The following NCR3LG1 variants were observed in gnomAD, a reference collection of about 807,000 sequenced individuals.
The protein encoded by NCR3LG1 is natural cytotoxicity triggering receptor 3 ligand 1.
Under a neutral mutation model 34.8 loss-of-function variants are expected in NCR3LG1, and 35 were observed. The observed-to-expected ratio is 1.01, with a 90% CI of 0.77 to 1.33. The LOEUF (loss-of-function observed/expected upper bound fraction) is 1.33. NCR3LG1 is among the 40% of genes most tolerant of loss of function. The pLI is 0.00. For missense variants in NCR3LG1, 452 were observed against 423.3 expected, an observed-to-expected ratio of 1.07 and a Z score of -0.60; for synonymous variants, 173 against 163.6, an observed-to-expected ratio of 1.06 and a Z score of -0.44.
In NCR3LG1 at chr11:17,372,709, CAGGT is replaced by C. The variant is rs1953426185; in HGVS notation, c.*200_*203del. ...TAAACTCTTAACTACTACAGAGAAA[CAGGT>C]AGCCCTGCAGGCAGCAGAAAAATTC... On this transcript the variant is annotated 3_prime_UTR_variant, in exon 5 of 5. Coordinates refer to ENST00000338965, the MANE Select transcript of NCR3LG1 (RefSeq NM_001202439.3). The C allele has an allele frequency of 7.7e-6, 4 of 521,342 alleles. No homozygotes were observed. In the East Asian group the frequency reaches 8.7e-5, roughly 11 times the overall value. The allele number at this position is 521,342 out of a possible 1,614,324, so 32.3% of individuals were successfully genotyped here. A position where few individuals can be genotyped will look rare whatever the true frequency, so the allele number is the denominator to read the frequency against.
At position 17,356,868 on chromosome 11, in the gene NCR3LG1, T is replaced by C; in HGVS notation, c.288T>C (p.Ser96=). ...CATTCCGACCTGGAGCCATTGTGTC[T>C]CCATGGAGGCTGAAGAGTGGGGACG... ...QEAFRPGAIV[S]PWRLKSGDAS... is the part of the protein sequence containing the mutation. Residue 96 remains serine (S), a synonymous_variant, in exon 2 of 5, where the codon TCT becomes TCC. Transcript: ENST00000338965. 2.0e-6 allele frequency: 3 copies of C among 1,536,138 alleles called. No individual in the cohort carries two copies. Among genetic ancestry groups the C allele is most frequent in the Non-Finnish European group, 2.6e-6 (3 of 1,146,912 alleles).
At chr11:17,370,482 G>A (rs559227169) in intron 4 of NCR3LG1, among the ~76,000 whole-genome samples, 244 of 152,308 alleles carry the variant, frequency 1.6e-3, no homozygotes, top group Non-Finnish European at 2.6e-3. Flanking sequence ...CCTGAAGACT[G>A]AACAAAACAC....
chr11:17,378,674 C>T (rs1437441550), downstream of NCR3LG1, among the ~76,000 whole-genome samples: 1 of 152,084 alleles, frequency 6.6e-6, no homozygotes, highest in African/African-American at 2.4e-5. Context: ...GGTCTCCACT[C>T]CTGAAGCAGG....
chr11:17,380,490 A>ATT (rs554844124), downstream of NCR3LG1, among the ~76,000 whole-genome samples: 1 of 145,694 alleles, frequency 6.9e-6, no homozygotes, highest in Non-Finnish European at 1.5e-5. Flanking sequence ...GTTTTTAGTA[A>ATT]TTTTTTTTTT....
chr11:17,364,996 CTCTT>C (rs1361032064), intron 2 of NCR3LG1, among the ~76,000 whole-genome samples: 1 of 152,168 alleles, frequency 6.6e-6, no homozygotes, highest in Non-Finnish European at 1.5e-5. Flanking sequence ...ATGTTATCTG[CTCTT>C]TCTGTTAGTG....
At chr11:17,355,917 C>T (rs867241594) in intron 1 of NCR3LG1, among the ~76,000 whole-genome samples, 11 of 152,084 alleles carry the variant, frequency 7.2e-5, no homozygotes, top group African/African-American at 2.7e-4. Flanking sequence ...CTCACCTCAG[C>T]CTCCCAAGTA....
chr11:17,369,279 G>T (rs1157316682), intron 4 of NCR3LG1, among the ~76,000 whole-genome samples: 2 of 152,210 alleles, frequency 1.3e-5, no homozygotes. Flanking sequence ...AGACTTTAGT[G>T]TTCAGACCAG....
In NCR3LG1 at chr11:17,357,018, A is replaced by G. The variant is rs1591678421; in HGVS notation, c.421+17A>G. The G allele has an allele frequency of 1.4e-6, 2 of 1,458,490 alleles. No individual in the cohort carries two copies. Among genetic ancestry groups the G allele is most frequent in the East Asian group, 2.5e-5 (1 of 40,326 alleles). 90.3% of individuals were successfully genotyped at this position (1,458,490 alleles called of 1,614,324 possible). A position where few individuals can be genotyped will look rare whatever the true frequency, so the allele number is the denominator to read the frequency against. On this transcript the variant is annotated intron_variant, in intron 2 of 4. Transcript: ENST00000338965. ...AAGTTGTGGGTGAGTGTCTCGGGGC[A>G]GTGCCCTACAGTTCCCATGGTGTTG...
In NCR3LG1 at chr11:17,356,892, C is replaced by T. The variant is rs78000302; in HGVS notation, c.312C>T (p.Asp104=). 2.0e-5 allele frequency: 31 copies of T among 1,536,082 alleles called. No homozygotes were observed. The highest frequency in any genetic ancestry group is 5.9e-5 in the Admixed American group (3 of 51,002). ...IVSPWRLKSG[D]ASLRLPGIQL... is the part of the protein sequence containing the mutation. ...CTCCATGGAGGCTGAAGAGTGGGGA[C>T]GCCTCACTGCGGCTGCCTGGAATCC... is the stretch of plus-strand genomic sequence containing the variant. Residue 104 remains aspartate, a synonymous_variant, in exon 2 of 5, where the codon GAC becomes GAT. Transcript: ENST00000338965.
intron 4 of NCR3LG1, among the ~76,000 whole-genome samples, chr11:17,369,340 T>C (rs1009977514): frequency 2.6e-5 from 4 of 152,234 alleles, no homozygotes; most frequent in Admixed American, 2.0e-4. Flanking sequence ...TTAGAAACTA[T>C]GGCTTAGAGA....
In NCR3LG1 at chr11:17,373,032, C is replaced by T. The variant is rs932688727; in HGVS notation, c.*520C>T. The T allele has an allele frequency of 1.3e-5, 2 of 153,044 alleles. No homozygotes were observed. Among genetic ancestry groups the T allele is most frequent in the Non-Finnish European group, 2.9e-5 (2 of 68,688 alleles). 9.5% of individuals were successfully genotyped at this position (153,044 alleles called of 1,614,324 possible). Reference sequence around the variant, plus strand: ...GGCTGAGAGAGGCTGTAGTGAAACACACTTCCTTGTCTCCTGTTAGGTATG... The same window carrying T: ...GGCTGAGAGAGGCTGTAGTGAAACATACTTCCTTGTCTCCTGTTAGGTATG... On this transcript the variant is annotated 3_prime_UTR_variant, in exon 5 of 5. Coordinates refer to ENST00000338965, the MANE Select transcript of NCR3LG1 (RefSeq NM_001202439.3).
Position 17,351,882 on chromosome 11 carries a change from C to G in NCR3LG1, c.-88C>G. 9.7e-7 allele frequency: 1 copy of G among 1,035,048 alleles called. No homozygotes were observed. The highest frequency in any genetic ancestry group is 1.4e-5 in the South Asian group (1 of 73,062). The allele number at this position is 1,035,048 out of a possible 1,614,324, so 64.1% of individuals were successfully genotyped here. A position where few individuals can be genotyped will look rare whatever the true frequency, so the allele number is the denominator to read the frequency against. On this transcript the variant is annotated 5_prime_UTR_variant, in exon 1 of 5. Transcript: ENST00000338965. Reference sequence around the variant, plus strand: ...CGGCTGTGTCTCCGTCAACTCTTTACGCAACAGAGGTCTCCCCCTGCCCTT... The same window carrying G: ...CGGCTGTGTCTCCGTCAACTCTTTAGGCAACAGAGGTCTCCCCCTGCCCTT...
chr11:17,363,888 T>C (rs1953315603), intron 2 of NCR3LG1, among the ~76,000 whole-genome samples: 1 of 152,086 alleles, frequency 6.6e-6, no homozygotes, highest in African/African-American at 2.4e-5. Context: ...TGAGCTACCA[T>C]GCTTGGCCAT....
chr11:17,370,051 C>T (rs1953389599), intron 4 of NCR3LG1, among the ~76,000 whole-genome samples: 1 of 152,312 alleles, frequency 6.6e-6, no homozygotes, highest in Non-Finnish European at 1.5e-5. Flanking sequence ...TAGAAAATTC[C>T]ATCCCCTGAC....
In NCR3LG1 at chr11:17,372,196, A is replaced by G. The variant is rs1953415219; in HGVS notation, c.1049A>G (p.Gln350Arg). ...EGSVNINTIQ[Q>R]LDVFCRQEGK... Reference sequence around the variant, plus strand: ...AGTGTTAATATTAATACTATTCAACAACTAGATGTTTTCTGCAGACAGGAG... The same window carrying G: ...AGTGTTAATATTAATACTATTCAACGACTAGATGTTTTCTGCAGACAGGAG... Residue 350 changes from glutamine to arginine, a missense_variant, in exon 5 of 5, where the codon CAA (glutamine) becomes CGA (arginine). Transcript: ENST00000338965. 1.4e-6 allele frequency: 1 copy of G among 703,030 alleles called. No homozygotes were observed. Among genetic ancestry groups the G allele is most frequent in the Non-Finnish European group, 2.6e-6 (1 of 385,006 alleles). 43.5% of individuals were successfully genotyped at this position (703,030 alleles called of 1,614,324 possible). A position where few individuals can be genotyped will look rare whatever the true frequency, so the allele number is the denominator to read the frequency against.
At chr11:17,357,933 C>T (rs907097133) in intron 2 of NCR3LG1, among the ~76,000 whole-genome samples, 8 of 152,106 alleles carry the variant, frequency 5.3e-5, no homozygotes, top group Admixed American at 6.5e-5. Flanking sequence ...CAACTTCTGG[C>T]CTCAAGAGAT....
intron 4 of NCR3LG1, among the ~76,000 whole-genome samples, chr11:17,370,923 A>C (rs900873433): frequency 6.6e-6 from 1 of 152,224 alleles, no homozygotes; most frequent in Admixed American, 6.5e-5. Context: ...GTAACGAGGA[A>C]TGTAACTCAA....
At position 17,351,909 on chromosome 11, in the gene NCR3LG1, G is replaced by A. The variant is rs936252091; in HGVS notation, c.-61G>A. The A allele has an allele frequency of 3.0e-6, 4 of 1,355,078 alleles. No homozygotes were observed. The highest frequency in any genetic ancestry group is 1.8e-4 in the Middle Eastern group (1 of 5,642). 83.9% of individuals were successfully genotyped at this position (1,355,078 alleles called of 1,614,324 possible). A position where few individuals can be genotyped will look rare whatever the true frequency, so the allele number is the denominator to read the frequency against. On this transcript the variant is annotated 5_prime_UTR_variant, in exon 1 of 5. Coordinates refer to ENST00000338965, the MANE Select transcript of NCR3LG1 (RefSeq NM_001202439.3). ...CAACAGAGGTCTCCCCCTGCCCTTG[G>A]TTTCTACCGGGCCGCCTGCTCCCAC...
In NCR3LG1 at chr11:17,374,773, T is replaced by C. The variant is rs2133368600; in HGVS notation, c.*2261T>C. 1 of 152,226 alleles carries C rather than the reference T, an allele frequency of 6.6e-6. No individual in the cohort carries two copies. Among genetic ancestry groups the C allele is most frequent in the Non-Finnish European group, 1.5e-5 (1 of 68,016 alleles). The allele number at this position is 152,226 out of a possible 1,614,324, so 9.4% of individuals were successfully genotyped here. On this transcript the variant is annotated 3_prime_UTR_variant, in exon 5 of 5. Transcript: ENST00000338965. ...CTTTATATCACCTTATAAAAGAAAT[T>C]CAAGTGGCTAAAACTCACTTCCTGA...
Sources: allele counts gnomAD v4.1 joint callset (sites outside exome capture counted in the v4.1 genomes callset), GRCh38; gene constraint gnomAD v4.1.1; transcripts MANE v1.5; gene names NCBI Gene and HGNC (gene_info 2026-07-23, HGNC 2026-07-21).